The following PCLO variants were observed in gnomAD, a reference collection of about 807,000 sequenced individuals.
The protein encoded by PCLO is protein piccolo.
A neutral mutation model predicts 427.5 loss-of-function variants in PCLO; 82 were observed. That is an observed-to-expected ratio of 0.19 (90% CI 0.16 to 0.23). The LOEUF (loss-of-function observed/expected upper bound fraction) is 0.23. PCLO is among the 10% of genes least tolerant of loss of function. PCLO has a pLI of 1.00. For missense variants in PCLO, 6,239 were observed against 6,115.9 expected (o/e 1.02, Z -0.67); for synonymous variants, 2,357 against 2,155.4 (o/e 1.09, Z -2.59).
intron 22 of PCLO, among the ~76,000 whole-genome samples, chr7:82,771,016 T>C (rs1790636352): frequency 6.6e-6 from 1 of 151,972 alleles, no homozygotes; most frequent in South Asian, 2.1e-4. Flanking sequence ...TGAAGAACTG[T>C]ATTTTTTTAA....
intron 3 of PCLO, among the ~76,000 whole-genome samples, chr7:83,130,449 T>TTG (rs1210186812): frequency 6.6e-6 from 1 of 152,212 alleles, no homozygotes; most frequent in African/African-American, 2.4e-5. Flanking sequence ...AGTGCTGGCA[T>TTG]TACAGGCATG....
Position 82,970,933 on chromosome 7 carries a change from G to C in PCLO, c.3301-4446C>G, listed in dbSNP as rs560308652. Among the ~76,000 whole-genome samples, 7 of 151,782 alleles carry C rather than the reference G, an allele frequency of 4.6e-5. No individual in the cohort carries two copies. The South Asian group carries it at 1.5e-3, about 32-fold the overall frequency. ...TCATCAATTATAAACAAACTGACCA[G>C]AAAAATTTGCTTCTCCCAAAATTTT... On this transcript the variant is annotated intron_variant, in intron 3 of 24. Coordinates refer to ENST00000333891, the MANE Select transcript of PCLO (RefSeq NM_033026.6).
chr7:83,137,587 C>T (rs779578917), intron 2 of PCLO, among the ~76,000 whole-genome samples: 3 of 152,106 alleles, frequency 2.0e-5, no homozygotes, highest in South Asian at 4.1e-4. Context: ...CCCACCACCA[C>T]GCCCGGCTGA....
intron 3 of PCLO, among the ~76,000 whole-genome samples, chr7:82,989,509 T>A (rs1401028220): frequency 6.6e-6 from 1 of 152,110 alleles, no homozygotes; most frequent in Non-Finnish European, 1.5e-5. Context: ...CATTTGAATA[T>A]AATTTACTCA....
chr7:82,938,653 ATAACT>A (rs1311907716), intron 6 of PCLO, among the ~76,000 whole-genome samples: 1 of 151,994 alleles, frequency 6.6e-6, no homozygotes, highest in African/African-American at 2.4e-5. Context: ...CTAAAACATG[ATAACT>A]TAAGGATGAA....
chr7:83,134,349 G>A lies in PCLO; in HGVS notation c.3201C>T (p.Asn1067=). The A allele has an allele frequency of 6.2e-7, 1 of 1,612,682 alleles. No homozygotes were observed. Residue 1067 remains asparagine, a synonymous_variant, in exon 3 of 25, where the codon AAC becomes AAT. Transcript: ENST00000333891. Reference sequence around the variant, plus strand: ...AGTTAGGAGGATCCTTAGAACCTATGTTGAGTTCAGTTTTGCAGAGAGGAC... The same window carrying A: ...AGTTAGGAGGATCCTTAGAACCTATATTGAGTTCAGTTTTGCAGAGAGGAC... ...STCPLCKTEL[N]IGSKDPPNFN... is the part of the protein sequence containing the mutation.
intron 3 of PCLO, among the ~76,000 whole-genome samples, chr7:83,120,355 C>G (rs373742646): frequency 3.0e-5 from 4 of 135,324 alleles, no homozygotes; most frequent in African/African-American, 1.1e-4. Context: ...GAGCCAAGAT[C>G]ATGTCACTGC....
intron 3 of PCLO, among the ~76,000 whole-genome samples, chr7:83,036,139 G>A (rs1788788207): frequency 6.6e-6 from 1 of 152,132 alleles, no homozygotes; most frequent in Non-Finnish European, 1.5e-5. Flanking sequence ...CCTAAGCAAT[G>A]CCTAATGTCC....
intron 20 of PCLO, among the ~76,000 whole-genome samples, chr7:82,808,220 G>T (rs1177169192): frequency 6.6e-6 from 1 of 151,694 alleles, no homozygotes; most frequent in Non-Finnish European, 1.5e-5. Context: ...TATTTTCAAA[G>T]ATAAACCTTA....
At chr7:82,891,484 G>C (rs1443452245) in intron 9 of PCLO, among the ~76,000 whole-genome samples, 1 of 152,054 alleles carries the variant, frequency 6.6e-6, no homozygotes, top group South Asian at 2.1e-4. Flanking sequence ...TCTGCAAAAA[G>C]GGACAATTTG....
At chr7:83,108,174 AT>A (rs1280650354) in intron 3 of PCLO, among the ~76,000 whole-genome samples, 2 of 152,098 alleles carry the variant, frequency 1.3e-5, no homozygotes, top group African/African-American at 4.8e-5. Flanking sequence ...AGAGAAAAAA[AT>A]CTCTAAGAAT....
At chr7:82,892,766 T>C (rs1489211062) in intron 9 of PCLO, among the ~76,000 whole-genome samples, 1 of 151,956 alleles carries the variant, frequency 6.6e-6, no homozygotes, top group African/African-American at 2.4e-5. Flanking sequence ...GGGGGAAGGA[T>C]ATGAACAGAC....
chr7:82,832,613 A>C (rs1792122963), intron 16 of PCLO, among the ~76,000 whole-genome samples: 1 of 151,978 alleles, frequency 6.6e-6, no homozygotes, highest in Non-Finnish European at 1.5e-5. Flanking sequence ...TTTGAAATTC[A>C]ATTATTCTAC....
intron 3 of PCLO, among the ~76,000 whole-genome samples, chr7:82,995,880 T>C (rs1431580330): frequency 6.6e-6 from 1 of 151,952 alleles, no homozygotes; most frequent in Non-Finnish European, 1.5e-5. Flanking sequence ...TTGTTTGACA[T>C]ATAAGTATGT....
At chr7:82,758,756 A>T in intron 24 of PCLO, 41 bp from the exon 25 acceptor site, 1 of 1,246,752 alleles carries the variant, frequency 8.0e-7, no homozygotes, top group Non-Finnish European at 1.2e-6. Context: ...TAATTTATAC[A>T]CATATACATG....
chr7:82,803,270 A>T (rs1791396230), intron 21 of PCLO, among the ~76,000 whole-genome samples: 1 of 152,084 alleles, frequency 6.6e-6, no homozygotes, highest in Admixed American at 6.5e-5. Flanking sequence ...GCTGAGCCAA[A>T]CTCTATTGAA....
intron 22 of PCLO, among the ~76,000 whole-genome samples, chr7:82,791,685 T>C (rs961748830): frequency 2.0e-5 from 3 of 152,178 alleles, no homozygotes; most frequent in African/African-American, 7.2e-5. Context: ...GTAAAACTGG[T>C]TCCTTAAGGG....
intron 20 of PCLO, among the ~76,000 whole-genome samples, chr7:82,814,721 G>T (rs985476174): frequency 1.3e-5 from 2 of 151,836 alleles, no homozygotes; most frequent in Non-Finnish European, 2.9e-5. Flanking sequence ...GACACCTTAT[G>T]TAGCTGCTGG....
intron 4 of PCLO, among the ~76,000 whole-genome samples, chr7:82,962,294 T>A (rs1280672195): frequency 6.6e-6 from 1 of 152,162 alleles, no homozygotes; most frequent in East Asian, 1.9e-4. Context: ...TCTTTTGAAT[T>A]TTCTTTCTCA....
Sources: gnomAD v4.1 joint callset for allele counts (sites outside exome capture counted in the v4.1 genomes callset) on GRCh38, gnomAD v4.1.1 for gene constraint, MANE v1.5 for transcripts, NCBI Gene and HGNC (gene_info 2026-07-23, HGNC 2026-07-21) for gene names.